The following STX7 variants were observed in gnomAD, a reference collection of about 807,000 sequenced individuals.
The protein encoded by STX7 is syntaxin 7, also known as syntaxin-7.
In STX7, 34 loss-of-function variants were observed where a neutral mutation model predicts 39.6. The observed-to-expected ratio is 0.86, with a 90% CI of 0.65 to 1.14. STX7 has a LOEUF of 1.14. Ranked by LOEUF, STX7 falls within the 50% of genes most tolerant of loss-of-function variation. The pLI is 0.00. For missense variants in STX7, 284 were observed against 310.4 expected (o/e 0.92, Z 0.64); for synonymous variants, 119 against 99.1 (o/e 1.20, Z -1.19).
chr6:132,471,477 T>C lies in STX7; in HGVS notation c.373A>G (p.Ser125Gly), dbSNP rs771698278. ...EKEFVARVRA[S>G]SRVSGSFPED... Reference sequence around the variant, plus strand: ...AAAATACTTACAGACACTCTGGAACTGGCTCTTACTCGAGCAACAAACTCT... The same window carrying C: ...AAAATACTTACAGACACTCTGGAACCGGCTCTTACTCGAGCAACAAACTCT... Residue 125 changes from serine to glycine, a missense_variant, in exon 5 of 10, where the codon AGT (serine) becomes GGT (glycine). By Grantham distance (56) the Ser-to-Gly change is moderately conservative. Transcript: ENST00000367941. The C allele has an allele frequency of 1.4e-5, 23 of 1,613,808 alleles. No homozygotes were observed. The highest frequency in any genetic ancestry group is 1.9e-5 in the Non-Finnish European group (23 of 1,179,862).
At chr6:132,492,617 G>A (rs1200849509) in intron 2 of STX7, among the ~76,000 whole-genome samples, 1 of 152,102 alleles carries the variant, frequency 6.6e-6, no homozygotes, top group African/African-American at 2.4e-5. Flanking sequence ...CATGTTATAT[G>A]AACCAGACTC....
rs6933390 is a variant in STX7 at position 132,448,860 on chromosome 6, G to T, written c.*11898C>A. Reference sequence around the variant, plus strand: ...CTCAAAAAAAAAAAAAAAAAAAAAAGGTCTGTCAATTCGTTATTCCTTTAA... The same window carrying T: ...CTCAAAAAAAAAAAAAAAAAAAAAATGTCTGTCAATTCGTTATTCCTTTAA... On this transcript the variant is annotated 3_prime_UTR_variant, in exon 10 of 10. Transcript: ENST00000367941. The T allele has an allele frequency of 0.16, 21,280 of 131,430 alleles. 1,630 individuals carry two copies. Among genetic ancestry groups the T allele is most frequent in the Middle Eastern group, 0.19 (47 of 248 alleles). The allele number at this position is 131,430 out of a possible 1,614,324, so 8.1% of individuals were successfully genotyped here.
chr6:132,460,867 CA>C lies in STX7; in HGVS notation c.694-18del, dbSNP rs1562319575. The C allele has an allele frequency of 6.3e-7, 1 of 1,595,026 alleles. No individual in the cohort carries two copies. The highest frequency in any genetic ancestry group is 2.2e-5 in the East Asian group (1 of 44,498). On this transcript the variant is annotated intron_variant, in intron 9 of 9. Coordinates refer to ENST00000367941, the MANE Select transcript of STX7 (RefSeq NM_003569.3). ...GGATTTGCGCTGCAGACGCAAAAAACAAAACAAAACAAAAAAACATGTTTAC... is the reference window on the plus strand; with the variant it reads ...GGATTTGCGCTGCAGACGCAAAAAACAAACAAAACAAAAAAACATGTTTAC...
At chr6:132,510,697 C>G (rs1450564974) in intron 1 of STX7, among the ~76,000 whole-genome samples, 1 of 152,188 alleles carries the variant, frequency 6.6e-6, no homozygotes, top group Non-Finnish European at 1.5e-5. Context: ...ACAGAAAGAT[C>G]TATTGCACAG....
chr6:132,462,131 T>C (rs974583282), intron 9 of STX7, among the ~76,000 whole-genome samples: 1 of 152,356 alleles, frequency 6.6e-6, no homozygotes, highest in African/African-American at 2.4e-5. Flanking sequence ...ATCACGGGTA[T>C]CCCACAATGG....
intron 1 of STX7, among the ~76,000 whole-genome samples, chr6:132,508,386 CT>C (rs1462288199): frequency 2.6e-5 from 4 of 152,240 alleles, no homozygotes; most frequent in Non-Finnish European, 4.4e-5. Context: ...AATCAATTTT[CT>C]TCATCCCTTT....
intron 2 of STX7, among the ~76,000 whole-genome samples, chr6:132,480,636 G>A (rs146490950): frequency 0.01 from 1,582 of 152,254 alleles, 19 homozygotes; most frequent in Non-Finnish European, 0.017. Flanking sequence ...TGAACTGGAG[G>A]GGGCCTGATA....
intron 9 of STX7, chr6:132,461,925 A>G (rs1774417572): frequency 1.4e-6 from 2 of 1,379,440 alleles, no homozygotes. Context: ...ATATTTATAA[A>G]AAGATACATT....
At chr6:132,509,427 G>A (rs528726086) in intron 1 of STX7, among the ~76,000 whole-genome samples, 19 of 150,394 alleles carry the variant, frequency 1.3e-4, no homozygotes, top group Admixed American at 2.7e-4. Flanking sequence ...ACTCCAGCCC[G>A]GCGACAGAGC....
intron 1 of STX7, among the ~76,000 whole-genome samples, chr6:132,510,434 CTGAT>C (rs1472623135): frequency 1.3e-5 from 2 of 152,132 alleles, no homozygotes; most frequent in African/African-American, 2.4e-5. Flanking sequence ...AACAAGATAA[CTGAT>C]TGCAGTAAGA....
chr6:132,493,119 G>A lies in STX7; in HGVS notation c.85+10327C>T, dbSNP rs1775336533. ...AAGGCAAACTATCTTAAAGAAGTAG[G>A]TGGCCATACTCAATATCATTAATAC... On this transcript the variant is annotated intron_variant, in intron 2 of 9. Transcript: ENST00000367941. 2.6e-5 allele frequency among the ~76,000 whole-genome samples: 4 copies of A among 152,094 alleles called. No individual in the cohort carries two copies. In the South Asian group the frequency reaches 8.3e-4, roughly 32 times the overall value.
At position 132,471,600 on chromosome 6, in the gene STX7, G is replaced by A. The variant is rs758050027; in HGVS notation, c.250C>T (p.Arg84Cys). 6 of 1,608,276 alleles carry A rather than the reference G, an allele frequency of 3.7e-6. No homozygotes were observed. The highest frequency in any genetic ancestry group is 1.7e-5 in the Admixed American group (1 of 58,456). ...CGATCCTTCTGTATTTTCCTTTGAC[G>A]CTAGAGGAAAGAGAAGAAAAAGCCA... ...GSLPTTPSEQRQRKIQKDRLV... is the reference protein window; with the variant it reads ...GSLPTTPSEQCQRKIQKDRLV... Residue 84 changes from arginine to cysteine, a missense_variant and splice_region_variant, in exon 5 of 10, where the codon CGT becomes TGT. Arg to Cys is a radical substitution (Grantham distance 180, BLOSUM62 -3). Coordinates refer to ENST00000367941, the MANE Select transcript of STX7 (RefSeq NM_003569.3).
intron 3 of STX7, among the ~76,000 whole-genome samples, chr6:132,473,345 G>A (rs117059684): frequency 0.014 from 2,180 of 152,128 alleles, 46 homozygotes; most frequent in Non-Finnish European, 0.023. Context: ...ACCAAAATCC[G>A]CTGATGCTCA....
intron 1 of STX7, among the ~76,000 whole-genome samples, chr6:132,504,190 G>A (rs1775643344): frequency 1.3e-5 from 2 of 152,096 alleles, no homozygotes; most frequent in Admixed American, 1.3e-4. Context: ...ACACACACAG[G>A]ACCTGCTCAG....
chr6:132,472,230 C>CTGGGTTT, intron 4 of STX7, 52 bp downstream of exon 4: 1 of 1,410,418 alleles, frequency 7.1e-7, no homozygotes, highest in Non-Finnish European at 9.8e-7. Context: ...CTACAGTGCA[C>CTGGGTTT]TGGGTTTTTT....
In STX7 at chr6:132,457,965, T is replaced by G. The variant is rs1043794572; in HGVS notation, c.*2793A>C. The G allele has an allele frequency of 6.6e-6, 1 of 152,256 alleles. No individual in the cohort carries two copies. Among genetic ancestry groups the G allele is most frequent in the African/African-American group, 2.4e-5 (1 of 41,472 alleles). The allele number at this position is 152,256 out of a possible 1,614,324, so 9.4% of individuals were successfully genotyped here. A position where few individuals can be genotyped will look rare whatever the true frequency, so the allele number is the denominator to read the frequency against. The stretch of plus-strand genomic sequence containing the variant: ...ATTTTATTATGACATTCATTTTTTC[T>G]ACATGAAGACACAAATAAAAATTAT... On this transcript the variant is annotated 3_prime_UTR_variant, in exon 10 of 10. Coordinates refer to ENST00000367941, the MANE Select transcript of STX7 (RefSeq NM_003569.3).
intron 2 of STX7, among the ~76,000 whole-genome samples, chr6:132,502,284 A>G (rs1261676353): frequency 6.6e-6 from 1 of 152,196 alleles, no homozygotes; most frequent in Non-Finnish European, 1.5e-5. Flanking sequence ...TATTTCTGCA[A>G]TGTGTTAACA....
chr6:132,489,220 AAAAAAG>A (rs1348373355), intron 2 of STX7, among the ~76,000 whole-genome samples: 38 of 145,406 alleles, frequency 2.6e-4, no homozygotes, highest in African/African-American at 8.5e-4. Flanking sequence ...AAAAAAAAAA[AAAAAAG>A]GATGATATAT....
intron 3 of STX7, among the ~76,000 whole-genome samples, chr6:132,474,184 T>C (rs1786054585): frequency 7.5e-6 from 1 of 133,622 alleles, no homozygotes; most frequent in Non-Finnish European, 1.5e-5. Flanking sequence ...ACCGTGATAA[T>C]GTCACTGCAC....
Sources: gnomAD v4.1 joint callset for allele counts (sites outside exome capture counted in the v4.1 genomes callset) on GRCh38, gnomAD v4.1.1 for gene constraint, MANE v1.5 for transcripts, NCBI Gene and HGNC (gene_info 2026-07-23, HGNC 2026-07-21) for gene names.